TAF2: variants seen among roughly 807,000 people sequenced by gnomAD.
The protein encoded by TAF2 is transcription initiation factor TFIID subunit 2.
A neutral mutation model predicts 138.5 loss-of-function variants in TAF2; 61 were observed. The ratio of observed to expected loss-of-function variants is 0.44; its 90% CI spans 0.36 to 0.54. TAF2 has a LOEUF of 0.54. Ranked by LOEUF, TAF2 falls within the 20% of genes least tolerant of loss-of-function variation. The pLI, the probability that TAF2 is intolerant of heterozygous loss-of-function variation, is 0.00. For missense variants in TAF2, 1,090 were observed against 1,427.9 expected (o/e 0.76, Z 3.81); for synonymous variants, 475 against 469.9 (o/e 1.01, Z -0.14).
chr8:119,810,243 G>C (rs1483033472), intron 3 of TAF2, among the ~76,000 whole-genome samples: 1 of 151,998 alleles, frequency 6.6e-6, no homozygotes, highest in African/African-American at 2.4e-5. Flanking sequence ...TAAATAAATG[G>C]AATCACATAG....
intron 2 of TAF2, among the ~76,000 whole-genome samples, chr8:119,825,400 T>C (rs75124931): frequency 6.6e-6 from 1 of 152,220 alleles, no homozygotes; most frequent in African/African-American, 2.4e-5. Flanking sequence ...GGACTTGCCT[T>C]GTCTCTGATG....
chr8:119,799,829 T>G (rs985653352), intron 6 of TAF2, among the ~76,000 whole-genome samples: 5 of 152,240 alleles, frequency 3.3e-5, no homozygotes, highest in African/African-American at 1.2e-4. Flanking sequence ...TCCTGACTTT[T>G]TACTGATCGC....
At chr8:119,740,581 C>T (rs1479162123) in intron 25 of TAF2, among the ~76,000 whole-genome samples, 1 of 144,594 alleles carries the variant, frequency 6.9e-6, no homozygotes, top group Non-Finnish European at 1.5e-5. Flanking sequence ...ACGAGAATCA[C>T]TTGAACCCAG....
intron 18 of TAF2, among the ~76,000 whole-genome samples, chr8:119,771,495 G>A (rs975616543): frequency 3.9e-5 from 6 of 151,954 alleles, no homozygotes; most frequent in Admixed American, 3.9e-4. Context: ...CTCGACCTCC[G>A]AAAGTGCTGG....
In TAF2 at chr8:119,795,015, T is replaced by A. The variant is rs575276912; in HGVS notation, c.1191+517A>T. Among the ~76,000 whole-genome samples, 200 of 151,480 alleles carry A rather than the reference T, an allele frequency of 1.3e-3. 2 individuals are homozygous for A. Among genetic ancestry groups the A allele is most frequent in the Non-Finnish European group, 2.2e-3 (150 of 67,886 alleles). On this transcript the variant is annotated intron_variant, in intron 9 of 25. Transcript: ENST00000378164. ...GCTAAGTAAAATACAACTGATGTTT[T>A]CTTTTTGGCCAAATCTTTAAATCGT... is the stretch of plus-strand genomic sequence containing the variant.
chr8:119,804,265 C>T (rs536205819), intron 4 of TAF2, among the ~76,000 whole-genome samples: 2 of 152,296 alleles, frequency 1.3e-5, no homozygotes, highest in South Asian at 2.1e-4. Flanking sequence ...CCAAAATACA[C>T]CTTTGGTTAC....
At chr8:119,775,511 TG>T (rs2131110397) in intron 18 of TAF2, among the ~76,000 whole-genome samples, 1 of 151,922 alleles carries the variant, frequency 6.6e-6, no homozygotes, top group African/African-American at 2.4e-5. Flanking sequence ...GAGACCAGCC[TG>T]GCCAACATGG....
chr8:119,798,670 T>C (rs1432178640), intron 6 of TAF2, among the ~76,000 whole-genome samples: 1 of 152,198 alleles, frequency 6.6e-6, no homozygotes, highest in African/African-American at 2.4e-5. Context: ...ATATAACATC[T>C]ATTACGGTCA....
chr8:119,794,654 T>A (rs1464763191), intron 9 of TAF2, among the ~76,000 whole-genome samples: 1 of 152,206 alleles, frequency 6.6e-6, no homozygotes, highest in Non-Finnish European at 1.5e-5. Context: ...AGAATTAAGA[T>A]CATTTTAATA....
chr8:119,793,902 A>AG (rs1293197394), intron 9 of TAF2, among the ~76,000 whole-genome samples: 6 of 145,234 alleles, frequency 4.1e-5, no homozygotes, highest in African/African-American at 1.3e-4. Context: ...TTTTTTAAAC[A>AG]GAAAAAAAAA....
At chr8:119,775,075 A>T (rs1822126634) in intron 18 of TAF2, among the ~76,000 whole-genome samples, 1 of 151,894 alleles carries the variant, frequency 6.6e-6, no homozygotes, top group Admixed American at 6.6e-5. Context: ...GGTCAAGAGA[A>T]CGAGACCATC....
intron 2 of TAF2, among the ~76,000 whole-genome samples, chr8:119,829,969 G>T (rs114142669): frequency 1.3e-5 from 2 of 149,370 alleles, no homozygotes; most frequent in Non-Finnish European, 3.0e-5. Flanking sequence ...GCGCGATCTC[G>T]GCTCCCTGCA....
chr8:119,793,452 C>T lies in TAF2; in HGVS notation c.1192-1G>A. ...CATATGCCACTATTTTGTCTAGCTC[C>T]TAAAAAATATATAAAAATAGGAGTC... On this transcript the variant is annotated splice_acceptor_variant, in intron 9 of 25. Transcript: ENST00000378164. LOFTEE classifies it high-confidence loss of function. 6.2e-7 allele frequency: 1 copy of T among 1,608,844 alleles called. No homozygotes were observed. The highest frequency in any genetic ancestry group is 8.5e-7 in the Non-Finnish European group (1 of 1,176,630).
intron 3 of TAF2, among the ~76,000 whole-genome samples, chr8:119,815,753 T>C (rs1157823272): frequency 1.3e-5 from 2 of 152,160 alleles, no homozygotes; most frequent in African/African-American, 4.8e-5. Flanking sequence ...AAAGTGTAGC[T>C]CCTGTGGAGA....
Position 119,742,626 on chromosome 8 carries a change from C to T in TAF2, c.3245G>A (p.Arg1082Gln), listed in dbSNP as rs747453635. 105 of 1,613,354 alleles carry T rather than the reference C, an allele frequency of 6.5e-5. 1 individual carries two copies. The highest frequency in any genetic ancestry group is 6.5e-4 in the South Asian group (59 of 91,034). ...GLSKYRPASSRSALIPQHSAG... is the reference protein window; with the variant it reads ...GLSKYRPASSQSALIPQHSAG... ...TGAGTGCTGGGGTATTAAAGCAGAT[C>T]GGGAGCTAGCTGGCCGATATTTCGA... Residue 1082 changes from arginine (R) to glutamine (Q), a missense_variant, in exon 25 of 26, where the codon CGA (arginine) becomes CAA (glutamine). Arg to Gln is a conservative substitution (Grantham distance 43). Transcript: ENST00000378164.
intron 3 of TAF2, among the ~76,000 whole-genome samples, chr8:119,807,023 C>T (rs76061839): frequency 1.3e-5 from 2 of 152,054 alleles, no homozygotes; most frequent in Non-Finnish European, 2.9e-5. Flanking sequence ...GTAAAGAATA[C>T]GTGAAGCACT....
intron 3 of TAF2, among the ~76,000 whole-genome samples, chr8:119,818,450 A>G (rs1825615876): frequency 6.6e-6 from 1 of 152,166 alleles, no homozygotes; most frequent in African/African-American, 2.4e-5. Flanking sequence ...ATATAACCCA[A>G]TGTTATCAAA....
At chr8:119,817,058 T>C (rs994164053) in intron 3 of TAF2, among the ~76,000 whole-genome samples, 9 of 152,248 alleles carry the variant, frequency 5.9e-5, no homozygotes, top group African/African-American at 2.2e-4. Context: ...TAGTCAAGCA[T>C]AGTAGACAAT....
At chr8:119,828,480 A>G (rs1826235807) in intron 2 of TAF2, among the ~76,000 whole-genome samples, 1 of 152,164 alleles carries the variant, frequency 6.6e-6, no homozygotes, top group Admixed American at 6.5e-5. Context: ...TGCCTCTCAG[A>G]TCCCCCCTAA....
Sources: gnomAD v4.1 joint callset for allele counts (sites outside exome capture counted in the v4.1 genomes callset) on GRCh38, gnomAD v4.1.1 for gene constraint, MANE v1.5 for transcripts, NCBI Gene and HGNC (gene_info 2026-07-23, HGNC 2026-07-21) for gene names.